SAMD12: variants seen among roughly 807,000 people sequenced by gnomAD.
SAMD12 encodes sterile alpha motif domain containing 12, also known as sterile alpha motif domain-containing protein 12.
SAMD12 carries 9 observed loss-of-function variants against 15.0 expected under a neutral mutation model. The ratio of observed to expected loss-of-function variants is 0.60; its 90% CI spans 0.36 to 1.05. The LOEUF is 1.05. Among genes scored for constraint, SAMD12 ranks in the 50% least tolerant of loss-of-function variants. SAMD12 has a pLI of 0.01. For missense variants in SAMD12, 230 were observed against 234.2 expected, an observed-to-expected ratio of 0.98 and a Z score of 0.12; for synonymous variants, 86 against 90.1, an observed-to-expected ratio of 0.96 and a Z score of 0.25.
intron 2 of SAMD12, among the ~76,000 whole-genome samples, chr8:118,579,881 A>G (rs1827241689): frequency 6.6e-6 from 1 of 152,160 alleles, no homozygotes; most frequent in South Asian, 2.1e-4. Context: ...CAACATGAAC[A>G]TCTGCACTGA....
intron 4 of SAMD12, among the ~76,000 whole-genome samples, chr8:118,289,782 G>A (rs1187825080): frequency 2.6e-5 from 4 of 152,142 alleles, no homozygotes; most frequent in East Asian, 1.9e-4. Flanking sequence ...TAAAGTTAGT[G>A]TGCTCTTAAT....
chr8:118,489,889 T>G (rs1312050529), intron 2 of SAMD12, among the ~76,000 whole-genome samples: 1 of 152,086 alleles, frequency 6.6e-6, no homozygotes, highest in East Asian at 1.9e-4. Flanking sequence ...ACTAGGATAT[T>G]GAGATCCTGG....
At chr8:118,252,897 C>T (rs567973166) in intron 4 of SAMD12, among the ~76,000 whole-genome samples, 12 of 152,266 alleles carry the variant, frequency 7.9e-5, no homozygotes, top group East Asian at 1.9e-4. Context: ...CTGCCAGTCC[C>T]GGCAGCAGTC....
At chr8:118,462,422 G>T (rs1311771823) in intron 2 of SAMD12, among the ~76,000 whole-genome samples, 1 of 152,186 alleles carries the variant, frequency 6.6e-6, no homozygotes, top group Non-Finnish European at 1.5e-5. Flanking sequence ...AAGGGACTGT[G>T]CAGGGGATAG....
At chr8:118,405,700 A>G (rs1176188484) in intron 3 of SAMD12, among the ~76,000 whole-genome samples, 1 of 152,100 alleles carries the variant, frequency 6.6e-6, no homozygotes, top group Non-Finnish European at 1.5e-5. Context: ...AGGGAGGGAG[A>G]GAGAAAGGAG....
chr8:118,316,961 C>T (rs530154937), intron 4 of SAMD12, among the ~76,000 whole-genome samples: 52 of 151,596 alleles, frequency 3.4e-4, no homozygotes, highest in African/African-American at 6.5e-4. Flanking sequence ...GTCAGAGATA[C>T]GAACTTTAAA....
the SAMD12 span, among the ~76,000 whole-genome samples, chr8:118,138,848 G>A: frequency 5.3e-5 from 8 of 152,112 alleles, no homozygotes; most frequent in Non-Finnish European, 1.2e-4. Flanking sequence ...GCCTCAAATC[G>A]GTTTTCACAC....
chr8:118,284,664 C>A (rs559620839), intron 4 of SAMD12: 5 of 214,744 alleles, frequency 2.3e-5, no homozygotes, highest in South Asian at 1.8e-4. Context: ...GTGAATTGGC[C>A]GGGCACTGTG....
At chr8:118,347,485 T>C (rs183853644) in intron 4 of SAMD12, among the ~76,000 whole-genome samples, 1 of 152,306 alleles carries the variant, frequency 6.6e-6, no homozygotes, top group African/African-American at 2.4e-5. Context: ...TTCTCCACAA[T>C]GGTCTCAAAT....
At chr8:118,391,148 A>G (rs1283512893) in intron 3 of SAMD12, among the ~76,000 whole-genome samples, 2 of 152,148 alleles carry the variant, frequency 1.3e-5, no homozygotes, top group African/African-American at 4.8e-5. Flanking sequence ...ATTTTTAAAA[A>G]CCCTAAAAGA....
chr8:118,137,764 GA>G, the SAMD12 span, among the ~76,000 whole-genome samples: 2 of 151,714 alleles, frequency 1.3e-5, no homozygotes, highest in Non-Finnish European at 1.5e-5. Flanking sequence ...GAGCTGAAAA[GA>G]AAAAAAATCA....
chr8:118,595,665 T>C (rs553094810), intron 1 of SAMD12, among the ~76,000 whole-genome samples: 1 of 152,158 alleles, frequency 6.6e-6, no homozygotes, highest in East Asian at 1.9e-4. Context: ...CTCAGCTGAG[T>C]TCTTCTGCTT....
At chr8:118,575,274 G>T (rs1477191077) in intron 2 of SAMD12, among the ~76,000 whole-genome samples, 1 of 152,102 alleles carries the variant, frequency 6.6e-6, no homozygotes, top group East Asian at 1.9e-4. Flanking sequence ...GCATCCCAAA[G>T]CCAACTGCAA....
chr8:118,433,813 T>A (rs923660888), intron 3 of SAMD12, among the ~76,000 whole-genome samples: 1 of 151,978 alleles, frequency 6.6e-6, no homozygotes, highest in Non-Finnish European at 1.5e-5. Context: ...AGAGCAGAAG[T>A]GATAAAGATG....
chr8:118,328,912 C>T (rs1434791418), intron 4 of SAMD12, among the ~76,000 whole-genome samples: 1 of 152,128 alleles, frequency 6.6e-6, no homozygotes, highest in Non-Finnish European at 1.5e-5. Context: ...ATCTTCCTCC[C>T]TTCAGTAATC....
intron 1 of SAMD12, among the ~76,000 whole-genome samples, chr8:118,619,987 C>G (rs1331542210): frequency 6.6e-6 from 1 of 152,192 alleles, no homozygotes; most frequent in Non-Finnish European, 1.5e-5. Flanking sequence ...CATTGTGATT[C>G]AAACTCAGGA....
the SAMD12 span, among the ~76,000 whole-genome samples, chr8:118,148,938 G>T: frequency 6.6e-6 from 1 of 152,206 alleles, no homozygotes; most frequent in Non-Finnish European, 1.5e-5. Context: ...ACCAGTTGAT[G>T]GACATTTGGG....
intron 4 of SAMD12, among the ~76,000 whole-genome samples, chr8:118,224,740 G>C (rs2129888327): frequency 6.6e-6 from 1 of 152,276 alleles, no homozygotes; most frequent in Non-Finnish European, 1.5e-5. Flanking sequence ...ACAATAATCA[G>C]AAAAGGCAAA....
chr8:118,519,542 C>A (rs538702178), intron 2 of SAMD12, among the ~76,000 whole-genome samples: 2 of 152,254 alleles, frequency 1.3e-5, no homozygotes, highest in African/African-American at 4.8e-5. Flanking sequence ...TTCTAAAGTA[C>A]ATAGAGCATA....
Sources: allele counts gnomAD v4.1 joint callset (sites outside exome capture counted in the v4.1 genomes callset), GRCh38; gene constraint gnomAD v4.1.1; transcripts MANE v1.5; gene names NCBI Gene and HGNC (gene_info 2026-07-23, HGNC 2026-07-21).